Variants in CCDC66 observed in about 807,000 individuals in gnomAD.
The protein encoded by CCDC66 is coiled-coil domain-containing protein 66.
A neutral mutation model predicts 128.3 loss-of-function variants in CCDC66; 133 were observed. The observed-to-expected ratio is 1.04, with a 90% CI of 0.90 to 1.20. The LOEUF (loss-of-function observed/expected upper bound fraction) is 1.20. Ranked by LOEUF, CCDC66 falls within the 50% of genes most tolerant of loss-of-function variation. The probability of loss-of-function intolerance (pLI) is 0.00; values close to 1 mark genes in which losing one functional copy is unlikely to be tolerated. For synonymous variants in CCDC66, 387 were observed against 357.0 expected, an observed-to-expected ratio of 1.08 and a Z score of -0.95; for missense variants, 1,126 against 1,075.5, an observed-to-expected ratio of 1.05 and a Z score of -0.66.
chr3:56,561,334 C>G (rs575602140), intron 3 of CCDC66: 5 of 452,724 alleles, frequency 1.1e-5, no homozygotes, highest in East Asian at 7.0e-5. Flanking sequence ...TGAAGATCCC[C>G]TTTATAGGCC....
chr3:56,609,577 A>G (rs946008594), intron 10 of CCDC66, among the ~76,000 whole-genome samples: 1 of 152,196 alleles, frequency 6.6e-6, no homozygotes, highest in Non-Finnish European at 1.5e-5. Flanking sequence ...ATTCAATGTT[A>G]ATATTGAAAT....
chr3:56,612,508 G>A (rs546706734), intron 10 of CCDC66, among the ~76,000 whole-genome samples: 107 of 152,262 alleles, frequency 7.0e-4, no homozygotes, highest in African/African-American at 2.6e-3. Context: ...CTTCTAGATG[G>A]CTTGCTCAGG....
At chr3:56,620,983 T>TCTA (rs2076432425) in intron 17 of CCDC66, 1 of 137,906 alleles carries the variant, frequency 7.3e-6, no homozygotes, top group Non-Finnish European at 1.6e-5. Context: ...AAACCCTGTC[T>TCTA]CTACTAAAAA....
intron 10 of CCDC66, among the ~76,000 whole-genome samples, chr3:56,605,929 CCT>C: frequency 6.6e-6 from 1 of 151,098 alleles, no homozygotes; most frequent in Non-Finnish European, 1.5e-5. Flanking sequence ...TCTATAAGCC[CCT>C]GACTGGGGCT....
chr3:56,578,587 A>T lies in CCDC66; in HGVS notation c.936+7285A>T, dbSNP rs539622426. 4.6e-5 allele frequency among the ~76,000 whole-genome samples: 7 copies of T among 151,948 alleles called. No individual in the cohort carries two copies. In the East Asian group the frequency reaches 1.4e-3, roughly 30 times the overall value. The stretch of plus-strand genomic sequence containing the variant: ...TATTATTTTGAGATACGTTCCATCA[A>T]TACCTAGTTTATTGAGAGTTTTTAG... On this transcript the variant is annotated intron_variant, in intron 7 of 17. Transcript: ENST00000394672.
At chr3:56,595,011 C>A (rs2106972879) in intron 10 of CCDC66, among the ~76,000 whole-genome samples, 1 of 152,260 alleles carries the variant, frequency 6.6e-6, no homozygotes, top group East Asian at 1.9e-4. Flanking sequence ...GGGAGAAATG[C>A]ATTGGAAATT....
At chr3:56,557,969 T>C (rs987424700) in intron 1 of CCDC66, 2 of 152,150 alleles carry the variant, frequency 1.3e-5, no homozygotes, top group African/African-American at 4.8e-5. Flanking sequence ...TACTTTACCA[T>C]TGAAGCTCTT....
rs914588409 is a variant in CCDC66 at position 56,557,204 on chromosome 3, G to C, written c.-39G>C. ...GGCGGCGGCAACCGACGTACACAAGGGGCTTGAGCGTTCTGTGGAGAGAGT... is the reference window on the plus strand; with the variant it reads ...GGCGGCGGCAACCGACGTACACAAGCGGCTTGAGCGTTCTGTGGAGAGAGT... On this transcript the variant is annotated 5_prime_UTR_variant, in exon 1 of 18. Transcript: ENST00000394672. 5 of 1,551,194 alleles carry C rather than the reference G, an allele frequency of 3.2e-6. No homozygotes were observed. In the African/African-American group the frequency reaches 6.8e-5, roughly 21 times the overall value.
rs758649971 is a variant in CCDC66, at chr3:56,558,835, T to A, written c.12-11T>A. 6.5e-7 allele frequency: 1 copy of A among 1,541,072 alleles called. No individual in the cohort carries two copies. The highest frequency in any genetic ancestry group is 2.0e-5 in the Admixed American group (1 of 50,742). ...TTAAAAATGAGAGACAACTTTCTTT[T>A]TTTATTACAGAGATGGTTTAAAGCT... On this transcript the variant is annotated splice_polypyrimidine_tract_variant and intron_variant, in intron 1 of 17. Coordinates refer to ENST00000394672, the MANE Select transcript of CCDC66 (RefSeq NM_001141947.3).
At chr3:56,593,128 A>G in intron 8 of CCDC66, 27 bp downstream of exon 8, 1 of 1,511,488 alleles carries the variant, frequency 6.6e-7, no homozygotes. Flanking sequence ...TGTGGCTATA[A>G]AAGAAAAAAT....
chr3:56,583,181 T>TA (rs2068735886), intron 7 of CCDC66, among the ~76,000 whole-genome samples: 1 of 151,780 alleles, frequency 6.6e-6, no homozygotes, highest in Non-Finnish European at 1.5e-5. Flanking sequence ...TTCTGACTTT[T>TA]AAAAATATTA....
intron 10 of CCDC66, among the ~76,000 whole-genome samples, chr3:56,595,922 T>C (rs1281578983): frequency 6.6e-6 from 1 of 152,212 alleles, no homozygotes. Flanking sequence ...TTTGTTTGTT[T>C]GCTTGTTTTT....
At chr3:56,617,720 A>C in intron 14 of CCDC66, 115 bp downstream of exon 14, 1 of 1,297,282 alleles carries the variant, frequency 7.7e-7, no homozygotes, top group Non-Finnish European at 1.1e-6. Flanking sequence ...ATTAGGGATC[A>C]GCAAACTATA....
chr3:56,618,034 A>G (rs2075741207), intron 14 of CCDC66, 138 bp from the exon 15 acceptor site: 2 of 712,436 alleles, frequency 2.8e-6, no homozygotes, highest in South Asian at 1.6e-5. Context: ...AAAAAACTAT[A>G]TCTATTCCAT....
chr3:56,617,340 C>A lies in CCDC66; in HGVS notation c.2072C>A (p.Thr691Lys), dbSNP rs537053776. The change falls in exon 14 of 18, where the codon ACA becomes AAA. Residue 691 changes from threonine to lysine, a missense_variant. Physicochemically the swap from Thr to Lys is moderately conservative, Grantham distance 78. Transcript: ENST00000394672. ...CAGTTCACAAGAATAGAGAAACAAA[C>A]AAAACACATGAAGAAATATCCTAAA... The part of the protein sequence containing the change: ...CNQFTRIEKQ[T>K]KHMKKYPKRP... 4 of 1,612,120 alleles carry A rather than the reference C, an allele frequency of 2.5e-6. No homozygotes were observed. The South Asian group carries it at 3.3e-5, about 13-fold the overall frequency.
chr3:56,564,313 T>A (rs982364760), intron 4 of CCDC66, among the ~76,000 whole-genome samples, 188 bp downstream of exon 4: 2 of 152,180 alleles, frequency 1.3e-5, no homozygotes, highest in African/African-American at 4.8e-5. Context: ...GTGCCATATT[T>A]TAAGGTTAGT....
In CCDC66 at chr3:56,618,166, T is replaced by C. The variant is rs201839949; in HGVS notation, c.2338-6T>C. The C allele has an allele frequency of 3.6e-5, 58 of 1,608,396 alleles. No individual in the cohort carries two copies. The highest frequency in any genetic ancestry group is 4.8e-5 in the Non-Finnish European group (56 of 1,174,982). ...TCCTTTCTGCATTTATCTATCCATA[T>C]TTTAGGAAGAAGAGCCTCTGAATAT... On this transcript the variant is annotated splice_region_variant and splice_polypyrimidine_tract_variant and intron_variant, in intron 14 of 17. Transcript: ENST00000394672.
intron 3 of CCDC66, among the ~76,000 whole-genome samples, chr3:56,562,287 C>T (rs1350869574): frequency 1.3e-5 from 2 of 151,824 alleles, no homozygotes; most frequent in Non-Finnish European, 2.9e-5. Context: ...TGGGCTCAAG[C>T]GATCCTTCCG....
At chr3:56,581,021 A>T (rs1427827713) in intron 7 of CCDC66, among the ~76,000 whole-genome samples, 1 of 151,658 alleles carries the variant, frequency 6.6e-6, no homozygotes, top group East Asian at 2.0e-4. Flanking sequence ...ACTTGGTTCC[A>T]TTCTCCCCAT....
Sources: allele counts gnomAD v4.1 joint callset (sites outside exome capture counted in the v4.1 genomes callset), GRCh38; gene constraint gnomAD v4.1.1; transcripts MANE v1.5; gene names NCBI Gene and HGNC (gene_info 2026-07-23, HGNC 2026-07-21).